The following TLK1 variants were observed in gnomAD, a reference collection of about 807,000 sequenced individuals.
The protein encoded by TLK1 is tousled like kinase 1, also known as serine/threonine-protein kinase tousled-like 1.
In TLK1, 24 loss-of-function variants were observed where a neutral mutation model predicts 105.3. The ratio of observed to expected loss-of-function variants is 0.23; its 90% CI spans 0.17 to 0.32. The LOEUF is 0.32. TLK1 is among the 10% of genes least tolerant of loss of function. TLK1 has a pLI of 1.00. For missense variants in TLK1, 558 were observed against 910.5 expected, an observed-to-expected ratio of 0.61 and a Z score of 4.98; for synonymous variants, 321 against 310.4, an observed-to-expected ratio of 1.03 and a Z score of -0.36.
At chr2:171,163,163 G>C (rs1439139300), upstream of TLK1, among the ~76,000 whole-genome samples, 5 of 152,138 alleles carry the variant, frequency 3.3e-5, no homozygotes, top group Non-Finnish European at 5.9e-5. Context: ...TCAATAGTTT[G>C]TTTTTATTTT....
Position 171,082,861 on chromosome 2 carries a change from G to T in TLK1, c.259-9C>A, listed in dbSNP as rs777170434. 2.5e-6 allele frequency: 4 copies of T among 1,593,334 alleles called. No homozygotes were observed. The East Asian group carries it at 9.0e-5, about 36-fold the overall frequency. ...TCGTTATTTGTTGAGGCCTGTTAAAGATTTTTTAAAAGGTAAAAATTAGGA... is the reference window on the plus strand; with the variant it reads ...TCGTTATTTGTTGAGGCCTGTTAAATATTTTTTAAAAGGTAAAAATTAGGA... On this transcript the variant is annotated splice_polypyrimidine_tract_variant and intron_variant, in intron 2 of 20. Coordinates refer to ENST00000431350, the MANE Select transcript of TLK1 (RefSeq NM_012290.5).
At chr2:171,035,479 A>G (rs776311136) in intron 11 of TLK1, among the ~76,000 whole-genome samples, 1 of 151,986 alleles carries the variant, frequency 6.6e-6, no homozygotes, top group Non-Finnish European at 1.5e-5. Flanking sequence ...AGTCCATTAA[A>G]CCTCTTTCTT....
intron 1 of TLK1, among the ~76,000 whole-genome samples, chr2:171,122,343 G>A (rs1243870042): frequency 2.6e-5 from 4 of 152,148 alleles, no homozygotes; most frequent in Non-Finnish European, 5.9e-5. Context: ...CTTAGCAAAT[G>A]TTAATCCTAA....
chr2:171,127,916 C>T (rs1269786006), intron 1 of TLK1, among the ~76,000 whole-genome samples: 1 of 152,050 alleles, frequency 6.6e-6, no homozygotes, highest in African/African-American at 2.4e-5. Context: ...TAAACACAGA[C>T]ACACACTTTC....
chr2:171,090,158 T>C (rs1446104009), intron 2 of TLK1, among the ~76,000 whole-genome samples: 1 of 152,196 alleles, frequency 6.6e-6, no homozygotes, highest in Non-Finnish European at 1.5e-5. Flanking sequence ...ATGTCTTGAG[T>C]ATCTTTTGTA....
At chr2:171,218,265 AAACAAC>A (rs534220880) in intron 1 of TLK1, among the ~76,000 whole-genome samples, 2 of 151,978 alleles carry the variant, frequency 1.3e-5, no homozygotes, top group Admixed American at 6.6e-5. Flanking sequence ...ACAAACAAAC[AAACAAC>A]AACAACAACA....
At chr2:171,011,803 A>G (rs564582628) in intron 13 of TLK1, among the ~76,000 whole-genome samples, 1 of 152,298 alleles carries the variant, frequency 6.6e-6, no homozygotes, top group Non-Finnish European at 1.5e-5. Context: ...ACAGACTTTT[A>G]TATTGGGAGT....
chr2:171,211,663 C>T (rs1157171544), intron 1 of TLK1, among the ~76,000 whole-genome samples: 1 of 152,060 alleles, frequency 6.6e-6, no homozygotes, highest in African/African-American at 2.4e-5. Flanking sequence ...GGTTCTCCTG[C>T]CTCAGCCCCC....
chr2:171,037,768 T>G (rs1326524105), intron 11 of TLK1, among the ~76,000 whole-genome samples: 1 of 152,230 alleles, frequency 6.6e-6, no homozygotes, highest in East Asian at 1.9e-4. Flanking sequence ...TGTTACTATT[T>G]TAAGATTTGT....
At chr2:171,197,577 G>A (rs760857409) in intron 1 of TLK1, among the ~76,000 whole-genome samples, 12 of 152,056 alleles carry the variant, frequency 7.9e-5, no homozygotes, top group South Asian at 2.1e-4. Flanking sequence ...TCAGGAGTTC[G>A]AGACCAGCCT....
At chr2:171,165,051 A>G (rs1475494687), upstream of TLK1, among the ~76,000 whole-genome samples, 4 of 152,166 alleles carry the variant, frequency 2.6e-5, no homozygotes, top group Admixed American at 2.0e-4. Flanking sequence ...TCAGACAGAA[A>G]GAGACACGTG....
chr2:171,059,337 T>A (rs1687639060), intron 4 of TLK1, among the ~76,000 whole-genome samples: 1 of 152,296 alleles, frequency 6.6e-6, no homozygotes, highest in African/African-American at 2.4e-5. Context: ...GAAATTTTGT[T>A]CTGTTAACAC....
chr2:171,038,766 T>C (rs1012341823), intron 11 of TLK1, among the ~76,000 whole-genome samples: 5 of 152,192 alleles, frequency 3.3e-5, no homozygotes, highest in Non-Finnish European at 5.9e-5. Context: ...AATTTTTTTA[T>C]AGTCAATATT....
At chr2:171,216,595 G>A (rs1693718714) in intron 1 of TLK1, among the ~76,000 whole-genome samples, 1 of 152,160 alleles carries the variant, frequency 6.6e-6, no homozygotes, top group East Asian at 1.9e-4. Context: ...GGGTTGAATT[G>A]TGTCCCTCCT....
chr2:171,161,089 G>C (rs1692483925), upstream of TLK1, among the ~76,000 whole-genome samples: 1 of 148,034 alleles, frequency 6.8e-6, no homozygotes, highest in African/African-American at 2.4e-5. Context: ...AGACTAGAGC[G>C]CCGGGGCGCC....
chr2:171,003,031 T>A (rs192992157), intron 18 of TLK1, among the ~76,000 whole-genome samples: 21 of 151,710 alleles, frequency 1.4e-4, no homozygotes, highest in Middle Eastern at 3.4e-3. Context: ...TCCCAGCACT[T>A]TGGGAGGCCG....
chr2:171,063,125 C>T (rs1307647274), intron 3 of TLK1, among the ~76,000 whole-genome samples: 1 of 152,112 alleles, frequency 6.6e-6, no homozygotes, highest in African/African-American at 2.4e-5. Context: ...GCGGGCAGAT[C>T]ATATGAGGTC....
chr2:171,029,974 G>A (rs952859659), intron 11 of TLK1, among the ~76,000 whole-genome samples: 1 of 152,164 alleles, frequency 6.6e-6, no homozygotes, highest in Admixed American at 6.6e-5. Flanking sequence ...TTGAATGCCT[G>A]GCTTCAAGTG....
intron 1 of TLK1, among the ~76,000 whole-genome samples, chr2:171,132,822 G>A (rs1180761228): frequency 1.3e-5 from 2 of 152,154 alleles, no homozygotes; most frequent in African/African-American, 4.8e-5. Flanking sequence ...CTATGAACAC[G>A]CCACTGCATT....
Sources: gnomAD v4.1 joint callset for allele counts (sites outside exome capture counted in the v4.1 genomes callset) on GRCh38, gnomAD v4.1.1 for gene constraint, MANE v1.5 for transcripts, NCBI Gene and HGNC (gene_info 2026-07-23, HGNC 2026-07-21) for gene names.